Variants in CERS6 observed in about 807,000 individuals in gnomAD.
CERS6 encodes the protein LAG1 homolog, ceramide synthase 6.
A neutral mutation model predicts 56.8 loss-of-function variants in CERS6; 26 were observed. That is an observed-to-expected ratio of 0.46 (90% CI 0.34 to 0.63). The LOEUF is 0.63. Among genes scored for constraint, CERS6 ranks in the 30% least tolerant of loss-of-function variants. The pLI is 0.01. For synonymous variants in CERS6, 164 were observed against 173.3 expected, an observed-to-expected ratio of 0.95 and a Z score of 0.42; for missense variants, 415 against 467.5, an observed-to-expected ratio of 0.89 and a Z score of 1.04.
In CERS6 at chr2:168,678,635, G is replaced by T. The variant is rs1686131086; in HGVS notation, c.466-12399G>T. Among the ~76,000 whole-genome samples, 3 of 152,164 alleles carry T rather than the reference G, an allele frequency of 2.0e-5. No individual in the cohort carries two copies. In the South Asian group the frequency reaches 6.2e-4, roughly 32 times the overall value. On this transcript the variant is annotated intron_variant, in intron 4 of 9. Coordinates refer to ENST00000305747, the MANE Select transcript of CERS6 (RefSeq NM_203463.3). ...CTGCCAGCTCTCCATTCCTGGTGGG[G>T]GTTGGGAGCCTTGAGGAGGTGGCGT...
Position 168,695,005 on chromosome 2 carries a change from T to C in CERS6, c.563T>C (p.Phe188Ser). 1.2e-6 allele frequency: 2 copies of C among 1,610,954 alleles called. No individual in the cohort carries two copies. Among genetic ancestry groups the C allele is most frequent in the Non-Finnish European group, 1.7e-6 (2 of 1,178,148 alleles). ...LHYYYILELS[F>S]YWSLMFSQFT... ...TACTATTACATCCTGGAGCTGTCGT[T>C]TTATTGGTCTTTGATGTTTTCTCAG... The change falls in exon 6 of 10, where the codon TTT (phenylalanine) becomes TCT (serine). Residue 188 changes from phenylalanine to serine, a missense_variant. Phe to Ser is a radical substitution (Grantham distance 155). Transcript: ENST00000305747.
chr2:168,553,759 A>C (rs1290492746), intron 2 of CERS6, among the ~76,000 whole-genome samples: 1 of 152,300 alleles, frequency 6.6e-6, no homozygotes, highest in African/African-American at 2.4e-5. Context: ...TTTAAACTGT[A>C]GTACTAAGAA....
At chr2:168,674,534 C>T (rs1189226525) in intron 4 of CERS6, among the ~76,000 whole-genome samples, 1 of 152,214 alleles carries the variant, frequency 6.6e-6, no homozygotes, top group Admixed American at 6.5e-5. Context: ...TGACATTGCA[C>T]ATTCTGAATA....
chr2:168,485,372 A>G lies in CERS6; in HGVS notation c.170+28754A>G, dbSNP rs549477107. ...TTATTAACTAAAGTTCATAGTTTAC[A>G]TAAGTATTCACTCTTTGTGTTGTAC... On this transcript the variant is annotated intron_variant, in intron 1 of 9. Transcript: ENST00000305747. 5.3e-5 allele frequency among the ~76,000 whole-genome samples: 8 copies of G among 152,310 alleles called. No individual in the cohort carries two copies. The East Asian group carries it at 7.7e-4, about 15-fold the overall frequency.
chr2:168,747,012 A>G (rs1284586235), intron 8 of CERS6, among the ~76,000 whole-genome samples: 1 of 151,864 alleles, frequency 6.6e-6, no homozygotes, highest in Non-Finnish European at 1.5e-5. Flanking sequence ...ACTTTAAATC[A>G]TGTTTTATAC....
At chr2:168,714,575 C>T (rs1050188905) in intron 6 of CERS6, among the ~76,000 whole-genome samples, 14 of 152,188 alleles carry the variant, frequency 9.2e-5, no homozygotes, top group African/African-American at 3.4e-4. Context: ...AGTGATTTCT[C>T]CCTTAGCTTC....
intron 8 of CERS6, among the ~76,000 whole-genome samples, chr2:168,757,976 T>C (rs978138685): frequency 6.6e-6 from 1 of 152,198 alleles, no homozygotes; most frequent in Non-Finnish European, 1.5e-5. Flanking sequence ...CTGGAGCTTT[T>C]ATTACCTTAG....
chr2:168,464,551 T>C (rs1394810976), intron 1 of CERS6, among the ~76,000 whole-genome samples: 2 of 151,890 alleles, frequency 1.3e-5, no homozygotes, highest in Non-Finnish European at 2.9e-5. Flanking sequence ...TTTTAAATAG[T>C]GGAAGGAATA....
intron 1 of CERS6, among the ~76,000 whole-genome samples, chr2:168,509,815 C>G (rs1172659153): frequency 6.6e-6 from 1 of 152,112 alleles, no homozygotes; most frequent in East Asian, 1.9e-4. Flanking sequence ...AATCCCAGCA[C>G]TGTGGGAGGC....
intron 1 of CERS6, among the ~76,000 whole-genome samples, chr2:168,477,216 A>T (rs905412102): frequency 1.6e-5 from 2 of 128,302 alleles, no homozygotes; most frequent in South Asian, 2.5e-4. Flanking sequence ...AGAGAGAGAG[A>T]GAGTCTCATA....
At chr2:168,685,643 AT>A (rs1686329217) in intron 4 of CERS6, among the ~76,000 whole-genome samples, 1 of 152,144 alleles carries the variant, frequency 6.6e-6, no homozygotes, top group South Asian at 2.1e-4. Flanking sequence ...TTAAAAAAAA[AT>A]CATAGAATAA....
intron 4 of CERS6, among the ~76,000 whole-genome samples, chr2:168,645,001 A>G (rs1225967840): frequency 2.7e-5 from 4 of 145,994 alleles, no homozygotes; most frequent in African/African-American, 1.0e-4. Context: ...CTGAGGCAGG[A>G]GAATTTCTTG....
At chr2:168,471,384 T>TTA (rs1166116441) in intron 1 of CERS6, among the ~76,000 whole-genome samples, 20 of 152,338 alleles carry the variant, frequency 1.3e-4, no homozygotes, top group African/African-American at 4.8e-4. Flanking sequence ...TTTGCTACAC[T>TTA]TTCAATGTTA....
rs571903257 is a variant in CERS6 at position 168,769,855 on chromosome 2, G to A, written c.*193G>A. The A allele has an allele frequency of 1.7e-6, 1 of 586,768 alleles. No individual in the cohort carries two copies. The highest frequency in any genetic ancestry group is 2.9e-6 in the Non-Finnish European group (1 of 339,526). 36.3% of individuals were successfully genotyped at this position (586,768 alleles called of 1,614,324 possible). ...AAGAATTACCATTCTCTCTTTGTAG[G>A]CATGCTGTATGTAATTGACACAAGG... On this transcript the variant is annotated 3_prime_UTR_variant, in exon 10 of 10. Coordinates refer to ENST00000305747, the MANE Select transcript of CERS6 (RefSeq NM_203463.3).
At chr2:168,675,414 G>C (rs1230136702) in intron 4 of CERS6, among the ~76,000 whole-genome samples, 3 of 152,128 alleles carry the variant, frequency 2.0e-5, no homozygotes, top group Non-Finnish European at 4.4e-5. Context: ...GTGAAACCCT[G>C]CCTCTACAAA....
chr2:168,503,957 G>C (rs1694631331), intron 1 of CERS6, among the ~76,000 whole-genome samples: 1 of 152,156 alleles, frequency 6.6e-6, no homozygotes, highest in Non-Finnish European at 1.5e-5. Context: ...GAAAAGAGAA[G>C]GGTCAGTATT....
chr2:168,680,009 T>C (rs1324578208), intron 4 of CERS6, among the ~76,000 whole-genome samples: 4 of 152,148 alleles, frequency 2.6e-5, no homozygotes, highest in Non-Finnish European at 2.9e-5. Context: ...TCTTAAATAT[T>C]GGAAGTAATT....
intron 4 of CERS6, among the ~76,000 whole-genome samples, chr2:168,674,155 A>G (rs10184648): frequency 0.053 from 7,999 of 152,304 alleles, 238 homozygotes; most frequent in African/African-American, 0.079. Flanking sequence ...GAGAGTGTCT[A>G]AGATGTTTTT....
chr2:168,640,064 A>C (rs1205230820), intron 4 of CERS6, among the ~76,000 whole-genome samples: 1 of 152,174 alleles, frequency 6.6e-6, no homozygotes, highest in Non-Finnish European at 1.5e-5. Flanking sequence ...AAGAGTGAAA[A>C]GGATAAAGTA....
Sources: allele counts gnomAD v4.1 joint callset (sites outside exome capture counted in the v4.1 genomes callset), GRCh38; gene constraint gnomAD v4.1.1; transcripts MANE v1.5; gene names NCBI Gene and HGNC (gene_info 2026-07-23, HGNC 2026-07-21).